The following GCNT2 variants were observed in gnomAD, a reference collection of about 807,000 sequenced individuals.
GCNT2 encodes the protein glucosaminyl (N-acetyl) transferase 2 (I blood group).
In GCNT2, 34 loss-of-function variants were observed where a neutral mutation model predicts 34.2. That is an observed-to-expected ratio of 1.00 (90% confidence interval 0.76 to 1.32). GCNT2 has a LOEUF of 1.32. GCNT2 is among the 40% of genes most tolerant of loss of function. GCNT2 has a pLI of 0.00. For synonymous variants in GCNT2, 212 were observed against 188.0 expected, an observed-to-expected ratio of 1.13 and a Z score of -1.04; for missense variants, 584 against 489.4, an observed-to-expected ratio of 1.19 and a Z score of -1.82.
chr6:10,582,308 A>AC (rs1561816350), intron 3 of GCNT2, among the ~76,000 whole-genome samples: 13 of 110,492 alleles, frequency 1.2e-4, no homozygotes, highest in African/African-American at 4.3e-4. Context: ...TATATTTAAT[A>AC]TATAGTAATA....
chr6:10,540,912 A>G (rs946886944), intron 3 of GCNT2, among the ~76,000 whole-genome samples: 12 of 152,074 alleles, frequency 7.9e-5, no homozygotes, highest in Admixed American at 2.0e-4. Context: ...CACTCTTGGG[A>G]GTGTGGTCTG....
At chr6:10,603,890 G>C (rs1278992988) in intron 3 of GCNT2, among the ~76,000 whole-genome samples, 1 of 39,000 alleles carries the variant, frequency 2.6e-5, no homozygotes, top group East Asian at 1.8e-3. Flanking sequence ...TTGGTTTGTT[G>C]TTTGTTTGTT....
At position 10,627,358 on chromosome 6, in the gene GCNT2, A is replaced by G. The variant is rs557881808; in HGVS notation, c.*751A>G. The stretch of plus-strand genomic sequence containing the variant: ...AAAAAGTCCTTGCAAGAATGGAGAT[A>G]TGCATTCAAGAGAGGTGCTATCACA... On this transcript the variant is annotated 3_prime_UTR_variant, in exon 5 of 5. Transcript: ENST00000495262. The G allele has an allele frequency of 1.3e-5, 2 of 152,404 alleles. No homozygotes were observed. The highest frequency in any genetic ancestry group is 2.4e-5 in the African/African-American group (1 of 41,580). The allele number at this position is 152,404 out of a possible 1,614,324, so 9.4% of individuals were successfully genotyped here.
chr6:10,568,514 T>C (rs2127393300), intron 3 of GCNT2, among the ~76,000 whole-genome samples: 1 of 152,188 alleles, frequency 6.6e-6, no homozygotes, highest in South Asian at 2.1e-4. Context: ...CTGGCCCGAG[T>C]CTCCCTCTTC....
At chr6:10,574,881 CT>C in intron 3 of GCNT2, 1 of 703,038 alleles carries the variant, frequency 1.4e-6, no homozygotes. Context: ...TGTCTTCTTT[CT>C]TTTTCTGATC....
rs1423181598 is a variant in GCNT2, at chr6:10,597,854, A to T, written c.926-23497A>T. ...TTTAAACACTTCACACTGCACAGTTAAAAACAGTAGAATACTAAGCAAATG... is the reference window on the plus strand; with the variant it reads ...TTTAAACACTTCACACTGCACAGTTTAAAACAGTAGAATACTAAGCAAATG... On this transcript the variant is annotated intron_variant, in intron 3 of 4. Transcript: ENST00000495262. Among the ~76,000 whole-genome samples the T allele has an allele frequency of 2.0e-5, 3 of 152,254 alleles. No homozygotes were observed. The East Asian group carries it at 5.8e-4, about 29-fold the overall frequency.
At chr6:10,626,327 A>T in intron 4 of GCNT2, 90 bp from the exon 5 acceptor site, 1 of 904,996 alleles carries the variant, frequency 1.1e-6, no homozygotes, top group Non-Finnish European at 1.8e-6. Flanking sequence ...AGTTGTAGTT[A>T]GTCGGAGAGT....
At chr6:10,551,216 C>A (rs780823236) in intron 3 of GCNT2, among the ~76,000 whole-genome samples, 15 of 152,070 alleles carry the variant, frequency 9.9e-5, no homozygotes, top group Non-Finnish European at 2.1e-4. Flanking sequence ...ACTTTGTATA[C>A]TGTCTTTTGC....
chr6:10,555,520 CA>C (rs1040098296), intron 3 of GCNT2, among the ~76,000 whole-genome samples: 3 of 152,148 alleles, frequency 2.0e-5, no homozygotes, highest in African/African-American at 7.2e-5. Context: ...GACCAAGATT[CA>C]AATTATTTCC....
intron 3 of GCNT2, among the ~76,000 whole-genome samples, chr6:10,547,633 T>A (rs1296842649): frequency 6.6e-6 from 1 of 152,228 alleles, no homozygotes; most frequent in Non-Finnish European, 1.5e-5. Flanking sequence ...GGAAGTGTTT[T>A]TATTTATTAC....
intron 2 of GCNT2, 74 bp from the exon 3 acceptor site, chr6:10,528,557 C>T: frequency 2.8e-6 from 1 of 355,092 alleles, no homozygotes; most frequent in Non-Finnish European, 5.3e-6. Context: ...ACCTCACCCA[C>T]TTGTAATTTC....
intron 3 of GCNT2, chr6:10,557,341 AG>A (rs1224301328): frequency 6.2e-7 from 1 of 1,608,496 alleles, no homozygotes; most frequent in East Asian, 2.2e-5. Flanking sequence ...ATAGGATTCC[AG>A]GTACGTACAA....
At chr6:10,536,877 T>A (rs1045037473) in intron 3 of GCNT2, among the ~76,000 whole-genome samples, 8 of 151,862 alleles carry the variant, frequency 5.3e-5, no homozygotes, top group Non-Finnish European at 1.2e-4. Context: ...GCGATTCTAC[T>A]ACCTCAGCCT....
Position 10,585,032 on chromosome 6 carries a change from A to AGTGTGTGT in GCNT2, c.926-36279_926-36272dup, listed in dbSNP as rs57538079. 1.2e-3 allele frequency among the ~76,000 whole-genome samples: 150 copies of AGTGTGTGT among 127,524 alleles called. 1 individual carries two copies. The highest frequency in any genetic ancestry group is 3.6e-3 in the South Asian group (13 of 3,650). The allele number at this position is 127,524 out of a possible 152,430, so 83.7% of individuals were successfully genotyped here. A position where few individuals can be genotyped will look rare whatever the true frequency, so the allele number is the denominator to read the frequency against. Reference sequence around the variant, plus strand: ...TTCTTTGTTCCCTCTTCCCATAGTCAGTGTGTGTGTGTGTGTGTGTGTGTG... The same window carrying AGTGTGTGT: ...TTCTTTGTTCCCTCTTCCCATAGTCAGTGTGTGTGTGTGTGTGTGTGTGTGTGTGTGTG... On this transcript the variant is annotated intron_variant, in intron 3 of 4. Coordinates refer to ENST00000495262, the MANE Select transcript of GCNT2 (RefSeq NM_145649.5).
At chr6:10,541,929 G>A (rs543082452) in intron 3 of GCNT2, among the ~76,000 whole-genome samples, 37 of 152,236 alleles carry the variant, frequency 2.4e-4, no homozygotes, top group African/African-American at 8.4e-4. Context: ...TAGGGTTTGC[G>A]GTTTAATCAT....
intron 3 of GCNT2, among the ~76,000 whole-genome samples, chr6:10,553,924 A>G (rs942740970): frequency 1.3e-5 from 2 of 152,170 alleles, no homozygotes; most frequent in Non-Finnish European, 2.9e-5. Flanking sequence ...ACCTCAAATA[A>G]TGTCTGCAAA....
chr6:10,529,694 C>G lies in GCNT2; in HGVS notation c.783C>G (p.Tyr261Ter). ...CTCCTCCTCATGACATGGTGATTTA[C>G]TTTGGCACGGCCTACGTGGCTCTCA... The part of the protein sequence containing the change: ...KTPPPHDMVI[Y>*]FGTAYVALTR... The change falls in exon 3 of 5, where the codon TAC (tyrosine) becomes TAG (stop). Residue 261 changes from tyrosine (Y) to a stop codon, truncating the protein, a stop_gained. Coordinates refer to ENST00000495262, the MANE Select transcript of GCNT2 (RefSeq NM_145649.5). LOFTEE classifies it high-confidence loss of function. The G allele has an allele frequency of 6.2e-7, 1 of 1,614,138 alleles. No homozygotes were observed.
At chr6:10,557,186 A>T (rs1477743680) in intron 3 of GCNT2, 3 of 1,554,684 alleles carry the variant, frequency 1.9e-6, no homozygotes, top group African/African-American at 1.4e-5. Context: ...TCCCCCCCAT[A>T]ATCTCACAAT....
chr6:10,609,871 A>T (rs1041958726), intron 3 of GCNT2, among the ~76,000 whole-genome samples: 2 of 150,164 alleles, frequency 1.3e-5, no homozygotes, highest in Non-Finnish European at 3.0e-5. Context: ...GAGGTCTAGG[A>T]TGAGACCAAG....
Sources: gnomAD v4.1 joint callset for allele counts (sites outside exome capture counted in the v4.1 genomes callset) on GRCh38, gnomAD v4.1.1 for gene constraint, MANE v1.5 for transcripts, NCBI Gene and HGNC (gene_info 2026-07-23, HGNC 2026-07-21) for gene names.